SNTG2: variants seen among roughly 807,000 people sequenced by gnomAD.
SNTG2 encodes the protein syntrophin gamma 2, also known as gamma-2-syntrophin.
Under a neutral mutation model 70.9 loss-of-function variants are expected in SNTG2, and 74 were observed. That is an observed-to-expected ratio of 1.04 (90% CI 0.86 to 1.27). The LOEUF is 1.27. Among genes scored for constraint, SNTG2 ranks in the 50% most tolerant of loss-of-function variants. The pLI is 0.00. For missense variants in SNTG2, 717 were observed against 690.7 expected (o/e 1.04, Z -0.43); for synonymous variants, 278 against 273.8 (o/e 1.02, Z -0.15).
chr2:1,297,515 A>G (rs1680268198), intron 14 of SNTG2, among the ~76,000 whole-genome samples: 1 of 151,494 alleles, frequency 6.6e-6, no homozygotes. Flanking sequence ...GCTCCTTCCC[A>G]TCAGCCCAGC....
chr2:1,095,097 A>AG (rs1430995639), intron 2 of SNTG2, among the ~76,000 whole-genome samples: 96 of 151,690 alleles, frequency 6.3e-4, no homozygotes, highest in African/African-American at 2.0e-3. Flanking sequence ...AGAGAAAAAA[A>AG]AAGAGAGAGA....
intron 1 of SNTG2, among the ~76,000 whole-genome samples, chr2:1,037,716 G>T (rs1373280731): frequency 1.3e-5 from 2 of 152,148 alleles, no homozygotes; most frequent in Non-Finnish European, 2.9e-5. Context: ...TTGTGTTTGG[G>T]TTCTTCTACT....
chr2:1,087,993 T>C (rs1428924854), intron 2 of SNTG2, among the ~76,000 whole-genome samples: 1 of 152,228 alleles, frequency 6.6e-6, no homozygotes, highest in Non-Finnish European at 1.5e-5. Context: ...TCTAAATTTA[T>C]ATCTATATTT....
intron 1 of SNTG2, among the ~76,000 whole-genome samples, chr2:958,379 G>A (rs981686402): frequency 1.3e-5 from 2 of 152,156 alleles, no homozygotes; most frequent in East Asian, 1.9e-4. Flanking sequence ...CGAGTAGATG[G>A]CAACAGCTCA....
intron 1 of SNTG2, among the ~76,000 whole-genome samples, chr2:1,028,159 C>T (rs1287190876): frequency 2.0e-5 from 3 of 148,886 alleles, no homozygotes; most frequent in East Asian, 2.0e-4. Flanking sequence ...ACTGAAGGTG[C>T]GTCTGACCCA....
intron 4 of SNTG2, among the ~76,000 whole-genome samples, chr2:1,123,845 C>G (rs57545666): frequency 0.51 from 71,834 of 141,424 alleles, 17,984 homozygotes; most frequent in East Asian, 0.68. Flanking sequence ...GTTAATAGAA[C>G]AAGTAAACCA....
intron 14 of SNTG2, among the ~76,000 whole-genome samples, chr2:1,274,757 T>A (rs1679202668): frequency 6.6e-6 from 1 of 152,188 alleles, no homozygotes; most frequent in Admixed American, 6.5e-5. Flanking sequence ...GTCACTGGTG[T>A]GGTAATGTGT....
At chr2:1,360,647 C>CAA (rs1419724841) in intron 16 of SNTG2, among the ~76,000 whole-genome samples, 17 of 71,876 alleles carry the variant, frequency 2.4e-4, no homozygotes, top group African/African-American at 4.7e-4. Context: ...AAAACACAAA[C>CAA]AAACAAAAAA....
At chr2:1,282,758 G>A (rs989044650) in intron 14 of SNTG2, among the ~76,000 whole-genome samples, 39 of 38,048 alleles carry the variant, frequency 1.0e-3, no homozygotes, top group African/African-American at 3.2e-3. Context: ...CCGCCCCCAC[G>A]TCAGTGAGCT....
rs541200040 is a variant in SNTG2 at position 1,260,966 on chromosome 2, T to C, written c.1077+1525T>C. On this transcript the variant is annotated intron_variant, in intron 13 of 16. Transcript: ENST00000308624. Reference sequence around the variant, plus strand: ...ACATATGTGGTTCATTAGTAAGCTATAGAGCCATCTCATTTTCCCAGGAAG... The same window carrying C: ...ACATATGTGGTTCATTAGTAAGCTACAGAGCCATCTCATTTTCCCAGGAAG... 1.1e-3 allele frequency among the ~76,000 whole-genome samples: 169 copies of C among 152,310 alleles called. 1 individual carries two copies. The highest frequency in any genetic ancestry group is 6.8e-3 in the Middle Eastern group (2 of 292).
intron 8 of SNTG2, among the ~76,000 whole-genome samples, chr2:1,184,793 C>T (rs1052192590): frequency 1.3e-5 from 2 of 152,268 alleles, no homozygotes; most frequent in Non-Finnish European, 2.9e-5. Flanking sequence ...TGGGCAGAGA[C>T]ACAAATCCAA....
intron 6 of SNTG2, chr2:1,159,487 C>T (rs973353043): frequency 4.6e-5 from 7 of 151,954 alleles, no homozygotes; most frequent in African/African-American, 1.5e-4. Context: ...AATAGCTATA[C>T]TGGTGTAAAA....
intron 1 of SNTG2, among the ~76,000 whole-genome samples, chr2:999,503 C>T (rs1474732549): frequency 1.3e-5 from 2 of 151,954 alleles, no homozygotes; most frequent in African/African-American, 4.8e-5. Flanking sequence ...ACACTAATAT[C>T]AGATAAAACA....
intron 1 of SNTG2, among the ~76,000 whole-genome samples, chr2:1,007,502 T>TA (rs1184916703): frequency 6.6e-6 from 1 of 152,184 alleles, no homozygotes; most frequent in Non-Finnish European, 1.5e-5. Flanking sequence ...TTATATGTGT[T>TA]ACACATTGTT....
At chr2:1,065,873 CA>C (rs1179989126) in intron 1 of SNTG2, among the ~76,000 whole-genome samples, 1 of 152,194 alleles carries the variant, frequency 6.6e-6, no homozygotes, top group Admixed American at 6.5e-5. Flanking sequence ...GTGAGAAACT[CA>C]CCTTCGTTTG....
chr2:1,356,431 A>G (rs1006636332), intron 16 of SNTG2, among the ~76,000 whole-genome samples: 3 of 152,200 alleles, frequency 2.0e-5, no homozygotes, highest in Non-Finnish European at 4.4e-5. Flanking sequence ...AGCACTATTT[A>G]TTGAGAGACT....
At chr2:1,322,655 C>G (rs1359491944) in intron 16 of SNTG2, among the ~76,000 whole-genome samples, 2 of 152,080 alleles carry the variant, frequency 1.3e-5, no homozygotes, top group East Asian at 3.9e-4. Context: ...CTCTCTCCCC[C>G]TCCTTCTACC....
At chr2:1,143,133 A>G (rs2147781379) in intron 6 of SNTG2, among the ~76,000 whole-genome samples, 1 of 152,348 alleles carries the variant, frequency 6.6e-6, no homozygotes, top group East Asian at 1.9e-4. Context: ...AAAGGGACAC[A>G]GACATGCTGG....
chr2:1,300,553 TCA>T (rs1049876379), intron 14 of SNTG2, among the ~76,000 whole-genome samples: 7 of 152,156 alleles, frequency 4.6e-5, no homozygotes, highest in Non-Finnish European at 7.3e-5. Context: ...AAGGTGGCTC[TCA>T]GTCTATCCCA....
Sources: gnomAD v4.1 joint callset for allele counts (sites outside exome capture counted in the v4.1 genomes callset) on GRCh38, gnomAD v4.1.1 for gene constraint, MANE v1.5 for transcripts, NCBI Gene and HGNC (gene_info 2026-07-23, HGNC 2026-07-21) for gene names.